The following CENPW variants were observed in gnomAD, a reference collection of about 807,000 sequenced individuals.
CENPW encodes cancer-up-regulated gene 2 protein.
Under a neutral mutation model 11.1 loss-of-function variants are expected in CENPW, and 3 were observed. The observed-to-expected ratio is 0.27, with a 90% CI of 0.12 to 0.70. The LOEUF (loss-of-function observed/expected upper bound fraction) is 0.70, where lower values mean the gene tolerates loss of function less well. Among genes scored for constraint, CENPW ranks in the 30% least tolerant of loss-of-function variants. The probability of loss-of-function intolerance (pLI) is 0.77; values close to 1 mark genes in which losing one functional copy is unlikely to be tolerated. For missense variants in CENPW, 100 were observed against 105.6 expected, an observed-to-expected ratio of 0.95 and a Z score of 0.23; for synonymous variants, 38 against 42.0, an observed-to-expected ratio of 0.91 and a Z score of 0.37.
At chr6:126,408,187 A>G in the CENPW span, among the ~76,000 whole-genome samples, 1 of 152,162 alleles carries the variant, frequency 6.6e-6, no homozygotes, top group South Asian at 2.1e-4. Context: ...CCATATGCAG[A>G]AAATTGAAAT....
chr6:126,388,358 G>A, the CENPW span, among the ~76,000 whole-genome samples: 2 of 151,964 alleles, frequency 1.3e-5, no homozygotes, highest in Admixed American at 1.3e-4. Flanking sequence ...GGAAAAAGGC[G>A]ATTTACAGAT....
the CENPW span, among the ~76,000 whole-genome samples, chr6:126,483,195 T>C: frequency 6.6e-6 from 1 of 151,904 alleles, no homozygotes; most frequent in Non-Finnish European, 1.5e-5. Flanking sequence ...GTAAATTTTC[T>C]TATTTTTAAT....
At chr6:126,429,677 A>G in the CENPW span, among the ~76,000 whole-genome samples, 1 of 152,202 alleles carries the variant, frequency 6.6e-6, no homozygotes, top group African/African-American at 2.4e-5. Context: ...GTATTTCTTT[A>G]CAGCAATGCA....
chr6:126,455,847 A>G, the CENPW span, among the ~76,000 whole-genome samples: 1 of 151,316 alleles, frequency 6.6e-6, no homozygotes, highest in East Asian at 1.9e-4. Flanking sequence ...AAACTCCTAG[A>G]TCTGATTAAA....
the CENPW span, among the ~76,000 whole-genome samples, chr6:126,394,490 C>A: frequency 6.6e-6 from 1 of 152,032 alleles, no homozygotes; most frequent in Non-Finnish European, 1.5e-5. Flanking sequence ...ATTTTACTAT[C>A]ATGTCTTGAA....
At chr6:126,443,692 T>C in the CENPW span, among the ~76,000 whole-genome samples, 24 of 151,402 alleles carry the variant, frequency 1.6e-4, no homozygotes, top group African/African-American at 4.3e-4. Flanking sequence ...TCATGACATA[T>C]AGCCATTATA....
At chr6:126,389,006 A>C in the CENPW span, among the ~76,000 whole-genome samples, 2 of 151,946 alleles carry the variant, frequency 1.3e-5, no homozygotes, top group African/African-American at 4.8e-5. Context: ...ATAAGTAGTC[A>C]ATGAAAAAAT....
the CENPW span, among the ~76,000 whole-genome samples, chr6:126,416,093 C>G: frequency 1.3e-5 from 2 of 152,076 alleles, no homozygotes; most frequent in Admixed American, 1.3e-4. Context: ...ATGATACGGA[C>G]AATGAAATCC....
chr6:126,386,993 ATTAG>A, the CENPW span, among the ~76,000 whole-genome samples: 1 of 151,990 alleles, frequency 6.6e-6, no homozygotes, highest in East Asian at 1.9e-4. Flanking sequence ...CTACAAATAA[ATTAG>A]TTATTTTTAA....
chr6:126,479,012 A>G, the CENPW span, among the ~76,000 whole-genome samples: 1 of 152,044 alleles, frequency 6.6e-6, no homozygotes, highest in Non-Finnish European at 1.5e-5. Context: ...AGAGTCCTGC[A>G]TACATTTGAG....
In CENPW at chr6:126,346,279, TAG is replaced by T; in HGVS notation, c.204_205del (p.Arg68SerfsTer3). 1 of 1,608,460 alleles carries T rather than the reference TAG, an allele frequency of 6.2e-7. No homozygotes were observed. Among genetic ancestry groups the T allele is most frequent in the Non-Finnish European group, 8.5e-7 (1 of 1,175,702 alleles). On this transcript the variant is annotated frameshift_variant, in exon 2 of 3. Coordinates refer to ENST00000368328, the MANE Select transcript of CENPW (RefSeq NM_001012507.4). LOFTEE classifies it high-confidence loss of function. ...SRTNACASKC[R>X]VINKEHVLAA... is the part of the protein sequence containing the mutation. ...GGACAAACGCTTGTGCGAGTAAATG[TAG>T]AGTCATTAACAAGGAGCATGTACTG...
At chr6:126,356,051 T>C in the CENPW span, among the ~76,000 whole-genome samples, 4 of 152,170 alleles carry the variant, frequency 2.6e-5, no homozygotes, top group African/African-American at 9.6e-5. Context: ...ACTGTCTTGA[T>C]GCTGTCACAA....
chr6:126,384,458 C>G, the CENPW span, among the ~76,000 whole-genome samples: 1 of 151,786 alleles, frequency 6.6e-6, no homozygotes, highest in Non-Finnish European at 1.5e-5. Context: ...AATAGAGAGC[C>G]CAGAAATAAG....
At chr6:126,404,012 C>G in the CENPW span, among the ~76,000 whole-genome samples, 26 of 152,102 alleles carry the variant, frequency 1.7e-4, no homozygotes, top group South Asian at 5.2e-3. Flanking sequence ...TCCTAGGGCC[C>G]TTAAGAATTA....
the CENPW span, among the ~76,000 whole-genome samples, chr6:126,369,658 T>A: frequency 3.0e-4 from 46 of 152,278 alleles, no homozygotes; most frequent in East Asian, 8.9e-3. Flanking sequence ...TTTTGAGTTC[T>A]TTGTAGATTC....
the CENPW span, among the ~76,000 whole-genome samples, chr6:126,387,442 A>C: frequency 7.9e-5 from 12 of 152,084 alleles, no homozygotes; most frequent in Non-Finnish European, 1.6e-4. Flanking sequence ...GGTTTTCTAA[A>C]AAGCCATAGT....
At chr6:126,420,725 C>T in the CENPW span, among the ~76,000 whole-genome samples, 3 of 152,090 alleles carry the variant, frequency 2.0e-5, no homozygotes, top group East Asian at 1.9e-4. Flanking sequence ...ATGGGGAGTA[C>T]GGTAATCTCT....
downstream of CENPW, among the ~76,000 whole-genome samples, chr6:126,351,285 T>C (rs775629470): frequency 5.9e-5 from 9 of 151,986 alleles, no homozygotes; most frequent in Non-Finnish European, 1.3e-4. Context: ...GATACCTGTG[T>C]GATACCCAAA....
the CENPW span, among the ~76,000 whole-genome samples, chr6:126,378,821 C>T: frequency 1.3e-5 from 2 of 152,056 alleles, no homozygotes; most frequent in Admixed American, 6.6e-5. Context: ...AAAGGAAATA[C>T]ACCTCATATT....
Sources: gnomAD v4.1 joint callset for allele counts (sites outside exome capture counted in the v4.1 genomes callset) on GRCh38, gnomAD v4.1.1 for gene constraint, MANE v1.5 for transcripts, NCBI Gene and HGNC (gene_info 2026-07-23, HGNC 2026-07-21) for gene names.